Variants in AHCY observed in about 807,000 individuals in gnomAD.
The protein encoded by AHCY is S-adenosyl-L-homocysteine hydrolase.
AHCY carries 24 observed loss-of-function variants against 45.4 expected under a neutral mutation model. The observed-to-expected ratio is 0.53, with a 90% CI of 0.38 to 0.74. The LOEUF is 0.74. AHCY is among the 30% of genes least tolerant of loss of function. AHCY has a pLI of 0.00. For missense variants in AHCY, 449 were observed against 594.1 expected, an observed-to-expected ratio of 0.76 and a Z score of 2.54; for synonymous variants, 245 against 235.1, an observed-to-expected ratio of 1.04 and a Z score of -0.39.
chr20:34,301,276 C>T (rs2036762533), intron 1 of AHCY, among the ~76,000 whole-genome samples: 1 of 151,928 alleles, frequency 6.6e-6, no homozygotes, highest in East Asian at 1.9e-4. Flanking sequence ...CCCTGTGCTG[C>T]TAAGCTCCAC....
chr20:34,248,988 G>T, the AHCY span, among the ~76,000 whole-genome samples: 1 of 151,590 alleles, frequency 6.6e-6, no homozygotes, highest in Non-Finnish European at 1.5e-5. Context: ...AATTAGCCAG[G>T]TGTGGTGGCA....
rs1217705340 is a variant in AHCY, at chr20:34,292,455, C to G, written c.348G>C (p.Gln116His). ...GGGGCCCGTCCTTGAAGTACAGGGT[C>G]TGCTCAATGCACCACAGGTACTCCT... ...TDEEYLWCIE[Q>H]TLYFKDGPLN... The change falls in exon 4 of 10, where the codon CAG becomes CAC. Residue 116 changes from glutamine to histidine, a missense_variant. Coordinates refer to ENST00000217426, the MANE Select transcript of AHCY (RefSeq NM_000687.4). 1 of 1,614,134 alleles carries G rather than the reference C, an allele frequency of 6.2e-7. No homozygotes were observed. Among genetic ancestry groups the G allele is most frequent in the South Asian group, 1.1e-5 (1 of 91,078 alleles).
At chr20:34,246,317 T>C in the AHCY span, 2 of 1,550,198 alleles carry the variant, frequency 1.3e-6, no homozygotes, top group Non-Finnish European at 1.7e-6. Flanking sequence ...TCCAGCTTCT[T>C]GTTTGGGTGA....
chr20:34,239,799 G>A, the AHCY span, among the ~76,000 whole-genome samples: 2 of 152,070 alleles, frequency 1.3e-5, no homozygotes, highest in Non-Finnish European at 2.9e-5. Flanking sequence ...ATAATGTAGG[G>A]GTGTGCCATC....
the AHCY span, among the ~76,000 whole-genome samples, chr20:34,264,435 G>A: frequency 1.3e-5 from 2 of 152,170 alleles, no homozygotes; most frequent in Non-Finnish European, 2.9e-5. Context: ...CAAGGTTCTC[G>A]TGTATTTTTC....
the AHCY span, among the ~76,000 whole-genome samples, chr20:34,263,148 AAT>A: frequency 6.6e-6 from 1 of 152,200 alleles, no homozygotes; most frequent in Non-Finnish European, 1.5e-5. Flanking sequence ...CCCTGCCTGA[AAT>A]TTCACCATCA....
At chr20:34,259,749 T>TAAA in the AHCY span, among the ~76,000 whole-genome samples, 2 of 142,786 alleles carry the variant, frequency 1.4e-5, no homozygotes, top group African/African-American at 2.6e-5. Context: ...AGACTCCATC[T>TAAA]AAAAAAAAAA....
the AHCY span, among the ~76,000 whole-genome samples, chr20:34,234,430 T>C: frequency 3.3e-5 from 5 of 152,248 alleles, no homozygotes; most frequent in East Asian, 7.7e-4. Context: ...AGAGTTGTGG[T>C]TGAGGCCAGG....
chr20:34,269,226 G>A, the AHCY span: 1 of 1,435,024 alleles, frequency 7.0e-7, no homozygotes, highest in Non-Finnish European at 9.1e-7. Context: ...CGCTTCTCGG[G>A]CGGGTGATCC....
chr20:34,232,627 A>G, the AHCY span, among the ~76,000 whole-genome samples: 130 of 152,350 alleles, frequency 8.5e-4, no homozygotes, highest in African/African-American at 3.0e-3. Flanking sequence ...GGCCAGTCGT[A>G]ATCACCATAC....
chr20:34,292,212 A>G, intron 4 of AHCY, 146 bp downstream of exon 4: 1 of 1,167,544 alleles, frequency 8.6e-7, no homozygotes, highest in African/African-American at 1.5e-5. Context: ...AGGCCCCAGC[A>G]TGAATGCCAG....
chr20:34,263,614 CAT>C, the AHCY span, among the ~76,000 whole-genome samples: 13,426 of 150,950 alleles, frequency 0.089, 1,967 homozygotes, highest in African/African-American at 0.31. Context: ...CTCTTGAACA[CAT>C]GTGTTTGAAC....
At chr20:34,258,183 G>A in the AHCY span, among the ~76,000 whole-genome samples, 1 of 151,562 alleles carries the variant, frequency 6.6e-6, no homozygotes, top group East Asian at 1.9e-4. Context: ...AAATAGTTAA[G>A]TGCTCCATCG....
Position 34,290,705 on chromosome 20 carries a change from G to A in AHCY, c.766+26C>T. On this transcript the variant is annotated intron_variant, in intron 6 of 9. Transcript: ENST00000217426. The surrounding 1 kb of genome is among the most constrained non-coding windows in gnomAD (Gnocchi z 4.5). ...GCCCCTCCCTCTGGCCCCAGTGGCT[G>A]ACAACCAACCCTTGCCCTATCCTAC... The A allele has an allele frequency of 1.2e-6, 2 of 1,613,714 alleles. No homozygotes were observed. Among genetic ancestry groups the A allele is most frequent in the Non-Finnish European group, 1.7e-6 (2 of 1,179,976 alleles).
the AHCY span, among the ~76,000 whole-genome samples, chr20:34,245,120 G>A: frequency 6.6e-6 from 1 of 151,880 alleles, no homozygotes; most frequent in Non-Finnish European, 1.5e-5. Context: ...CAAATCACGA[G>A]GTCAGGAGTT....
chr20:34,307,403 G>A (rs1053472923), upstream of AHCY, among the ~76,000 whole-genome samples: 1 of 150,610 alleles, frequency 6.6e-6, no homozygotes, highest in Non-Finnish European at 1.5e-5. Context: ...TCGGAGTTTC[G>A]CTCTTGTTGC....
At chr20:34,267,361 C>T in the AHCY span, among the ~76,000 whole-genome samples, 1 of 148,666 alleles carries the variant, frequency 6.7e-6, no homozygotes, top group African/African-American at 2.5e-5. Context: ...TAACCTAGAG[C>T]AGCAGCGTCC....
At chr20:34,305,563 G>A (rs544062493), upstream of AHCY, among the ~76,000 whole-genome samples, 6 of 152,102 alleles carry the variant, frequency 3.9e-5, no homozygotes, top group African/African-American at 7.2e-5. Flanking sequence ...CTAACTAAAC[G>A]TAGGATCATG....
At chr20:34,256,154 C>G in the AHCY span, among the ~76,000 whole-genome samples, 7 of 152,274 alleles carry the variant, frequency 4.6e-5, no homozygotes, top group African/African-American at 1.7e-4. Context: ...TGTCCTCTCT[C>G]TCCGCCTCGG....
Sources: gnomAD v4.1 joint callset for allele counts (sites outside exome capture counted in the v4.1 genomes callset) on GRCh38, gnomAD v4.1.1 for gene constraint, Gnocchi (gnomAD v3.1) non-coding constraint, MANE v1.5 for transcripts, NCBI Gene and HGNC (gene_info 2026-07-23, HGNC 2026-07-21) for gene names.